WDPCP: variants seen among roughly 807,000 people sequenced by gnomAD.
The protein encoded by WDPCP is WD repeat containing planar cell polarity effector.
In WDPCP, 71 loss-of-function variants were observed where a neutral mutation model predicts 93.1. The ratio of observed to expected loss-of-function variants is 0.76; its 90% confidence interval spans 0.63 to 0.93. WDPCP has a LOEUF of 0.93. Ranked by LOEUF, WDPCP falls within the 40% of genes least tolerant of loss-of-function variation. The pLI, the probability that WDPCP is intolerant of heterozygous loss-of-function variation, is 0.00. For synonymous variants in WDPCP, 315 were observed against 315.0 expected (o/e 1.00, Z 0.00); for missense variants, 844 against 887.4 (o/e 0.95, Z 0.62).
In WDPCP at chr2:63,622,246, T is replaced by C; in HGVS notation, n.488+28413A>G. 7.4e-6 allele frequency: 12 copies of C among 1,611,242 alleles called. No homozygotes were observed. In the South Asian group the frequency reaches 1.2e-4, roughly 16 times the overall value. ...CTGGCGAGGTCCTTGGCCTTCTCTG[T>C]AGCTGCCAGTGCCGTCTCCTCTGCC... On this transcript the variant is annotated intron_variant and non_coding_transcript_variant, in intron 3 of 4. Transcript: ENST00000467687.
chr2:63,587,980 G>A (rs1238028325), intron 1 of WDPCP, among the ~76,000 whole-genome samples: 2 of 152,218 alleles, frequency 1.3e-5, no homozygotes, highest in Non-Finnish European at 2.9e-5. Flanking sequence ...ATATAACTCT[G>A]GAAGAGCTCC....
At chr2:63,259,873 C>G (rs546553132) in intron 13 of WDPCP, among the ~76,000 whole-genome samples, 1 of 152,260 alleles carries the variant, frequency 6.6e-6, no homozygotes, top group Non-Finnish European at 1.5e-5. Context: ...TTAGTACTGA[C>G]TAATTGCTGG....
At chr2:63,355,781 G>C (rs1167838741) in intron 12 of WDPCP, among the ~76,000 whole-genome samples, 2 of 152,116 alleles carry the variant, frequency 1.3e-5, no homozygotes, top group African/African-American at 4.8e-5. Flanking sequence ...CCAGCTACTT[G>C]GGAGGCTGAG....
At chr2:63,406,601 T>C (rs1966112) in intron 9 of WDPCP, among the ~76,000 whole-genome samples, 63,152 of 152,026 alleles carry the variant, frequency 0.42, 13,378 homozygotes, top group Non-Finnish European at 0.43. Flanking sequence ...TTATGCAACA[T>C]AGGTGCCTTC....
At chr2:63,706,627 T>TTTTTG (rs1669158814) in intron 2 of WDPCP, among the ~76,000 whole-genome samples, 1 of 144,504 alleles carries the variant, frequency 6.9e-6, no homozygotes, top group Non-Finnish European at 1.5e-5. Flanking sequence ...TTTTTTTTTT[T>TTTTTG]GAGACGGAGT....
At chr2:63,335,161 A>T (rs1688261829) in intron 12 of WDPCP, among the ~76,000 whole-genome samples, 1 of 152,126 alleles carries the variant, frequency 6.6e-6, no homozygotes, top group African/African-American at 2.4e-5. Flanking sequence ...AAAGAATGCA[A>T]CCCCTTGCCT....
At chr2:63,564,157 C>T (rs1706846707) in intron 1 of WDPCP, 1 of 152,132 alleles carries the variant, frequency 6.6e-6, no homozygotes, top group Non-Finnish European at 1.5e-5. Flanking sequence ...AAAACACTGT[C>T]ACTTAGGTGG....
chr2:63,644,507 G>A (rs2106634527), intron 3 of WDPCP, among the ~76,000 whole-genome samples: 1 of 152,244 alleles, frequency 6.6e-6, no homozygotes, highest in African/African-American at 2.4e-5. Flanking sequence ...CTCCCAAAGT[G>A]CTGGGATTAC....
At chr2:63,681,356 C>T (rs1329577148) in intron 2 of WDPCP, among the ~76,000 whole-genome samples, 1 of 152,134 alleles carries the variant, frequency 6.6e-6, no homozygotes, top group African/African-American at 2.4e-5. Flanking sequence ...TCACCACAAG[C>T]TGACTGAAGA....
At chr2:63,126,370 T>G (rs1669902375) in intron 17 of WDPCP, among the ~76,000 whole-genome samples, 1 of 152,206 alleles carries the variant, frequency 6.6e-6, no homozygotes, top group Non-Finnish European at 1.5e-5. Context: ...TGGTTTTCCA[T>G]TACCTAATTT....
At chr2:63,231,646 G>A (rs1201162864) in intron 14 of WDPCP, among the ~76,000 whole-genome samples, 1 of 152,126 alleles carries the variant, frequency 6.6e-6, no homozygotes, top group East Asian at 1.9e-4. Context: ...CCTCTTCAAG[G>A]AGAACTACAA....
intron 1 of WDPCP, among the ~76,000 whole-genome samples, chr2:63,535,376 G>T (rs1438903999): frequency 6.6e-6 from 1 of 152,058 alleles, no homozygotes; most frequent in Non-Finnish European, 1.5e-5. Context: ...AGTTCATATG[G>T]AACCAAAAAA....
At chr2:63,183,631 G>A (rs1427045483) in intron 14 of WDPCP, among the ~76,000 whole-genome samples, 1 of 152,024 alleles carries the variant, frequency 6.6e-6, no homozygotes, top group African/African-American at 2.4e-5. Context: ...TTCTGTAAAT[G>A]TCTGTCAGGT....
At chr2:63,343,521 T>C (rs750749155) in intron 12 of WDPCP, among the ~76,000 whole-genome samples, 2 of 152,236 alleles carry the variant, frequency 1.3e-5, no homozygotes, top group African/African-American at 2.4e-5. Flanking sequence ...TGTTTTGGTA[T>C]TGATCTTTGA....
chr2:63,667,687 G>A (rs1446353356), intron 2 of WDPCP, among the ~76,000 whole-genome samples: 2 of 152,156 alleles, frequency 1.3e-5, no homozygotes, highest in Non-Finnish European at 2.9e-5. Context: ...GTAGGTTGGA[G>A]AATGCAGAGG....
intron 9 of WDPCP, among the ~76,000 whole-genome samples, chr2:63,412,834 C>T (rs1050695629): frequency 5.3e-5 from 8 of 151,308 alleles, no homozygotes; most frequent in South Asian, 2.1e-4. Flanking sequence ...AAGATCTCTA[C>T]GAGGAAAATT....
chr2:63,340,362 T>G (rs1688751307), intron 12 of WDPCP, among the ~76,000 whole-genome samples: 1 of 152,168 alleles, frequency 6.6e-6, no homozygotes, highest in Admixed American at 6.5e-5. Context: ...TAAAGTGTGG[T>G]GCTGCTGAAT....
chr2:63,453,387 C>T (rs1698392109), intron 6 of WDPCP, among the ~76,000 whole-genome samples: 1 of 152,162 alleles, frequency 6.6e-6, no homozygotes. Context: ...ATCAAAACTA[C>T]AATGAGATAT....
intron 3 of WDPCP, among the ~76,000 whole-genome samples, chr2:63,644,517 C>A (rs1019052281): frequency 1.3e-5 from 2 of 152,186 alleles, no homozygotes; most frequent in African/African-American, 4.8e-5. Flanking sequence ...GCTGGGATTA[C>A]AGGCGTGAGC....
Sources: allele counts gnomAD v4.1 joint callset (sites outside exome capture counted in the v4.1 genomes callset), GRCh38; gene constraint gnomAD v4.1.1; transcripts MANE v1.5; gene names NCBI Gene and HGNC (gene_info 2026-07-23, HGNC 2026-07-21).